The following TMEM181 variants were observed in gnomAD, a reference collection of about 807,000 sequenced individuals.
TMEM181 encodes transmembrane protein 181.
In TMEM181, 39 loss-of-function variants were observed where a neutral mutation model predicts 71.9. That is an observed-to-expected ratio of 0.54 (90% CI 0.42 to 0.71). The LOEUF (loss-of-function observed/expected upper bound fraction) is 0.71, where lower values mean the gene tolerates loss of function less well. TMEM181 is among the 30% of genes least tolerant of loss of function. TMEM181 has a pLI of 0.00. For synonymous variants in TMEM181, 245 were observed against 228.8 expected (o/e 1.07, Z -0.64); for missense variants, 595 against 583.0 (o/e 1.02, Z -0.21).
intron 3 of TMEM181, among the ~76,000 whole-genome samples, chr6:158,581,522 G>A (rs1452724999): frequency 6.6e-6 from 1 of 152,084 alleles, no homozygotes; most frequent in African/African-American, 2.4e-5. Flanking sequence ...GGGAAGCTGA[G>A]GTGAGCTGAT....
Position 158,610,614 on chromosome 6 carries a change from T to A in TMEM181, c.896+1864T>A, listed in dbSNP as rs74867791. On this transcript the variant is annotated intron_variant, in intron 10 of 16. Coordinates refer to ENST00000684151, the MANE Select transcript of TMEM181 (RefSeq NM_001376852.1). Reference sequence around the variant, plus strand: ...AATGTTCTTCTTTGCTTCACCTCTTTTCCTCCCGAGCTTCTGGAGAAGTGA... The same window carrying A: ...AATGTTCTTCTTTGCTTCACCTCTTATCCTCCCGAGCTTCTGGAGAAGTGA... The A allele has an allele frequency of 1.7e-4, 48 of 284,640 alleles. No individual in the cohort carries two copies. The South Asian group carries it at 4.2e-3, about 25-fold the overall frequency. The allele number at this position is 284,640 out of a possible 1,614,324, so 17.6% of individuals were successfully genotyped here. A position where few individuals can be genotyped will look rare whatever the true frequency, so the allele number is the denominator to read the frequency against.
intron 13 of TMEM181, chr6:158,626,804 CA>C (rs761355720): frequency 3.5e-5 from 16 of 454,294 alleles, no homozygotes; most frequent in Non-Finnish European, 7.1e-5. Flanking sequence ...CCTTCACTCA[CA>C]ACTGACCCAC....
upstream of TMEM181, among the ~76,000 whole-genome samples, chr6:158,559,022 G>A (rs981951954): frequency 3.3e-5 from 5 of 152,100 alleles, no homozygotes; most frequent in Admixed American, 2.6e-4. Flanking sequence ...GAAGAGTTGC[G>A]GTTTAGGATT....
At chr6:158,546,784 AC>A (rs1468609278) in intron 1 of TMEM181, among the ~76,000 whole-genome samples, 1 of 149,670 alleles carries the variant, frequency 6.7e-6, no homozygotes, top group Non-Finnish European at 1.5e-5. Flanking sequence ...ATGGTGTGAA[AC>A]CCCATCTCTA....
rs1786692817 is a variant in TMEM181, at chr6:158,631,949, T to C, written c.*61T>C. ...GATGCTTTCCCCGGTGACCGTCTGCTGACCTTCCCCTGTTATATTCAGATT... is the reference window on the plus strand; with the variant it reads ...GATGCTTTCCCCGGTGACCGTCTGCCGACCTTCCCCTGTTATATTCAGATT... On this transcript the variant is annotated 3_prime_UTR_variant, in exon 17 of 17. Coordinates refer to ENST00000684151, the MANE Select transcript of TMEM181 (RefSeq NM_001376852.1). The C allele has an allele frequency of 7.8e-6, 11 of 1,407,738 alleles. No homozygotes were observed. Among genetic ancestry groups the C allele is most frequent in the Non-Finnish European group, 4.9e-6 (5 of 1,016,708 alleles). 87.2% of individuals were successfully genotyped at this position (1,407,738 alleles called of 1,614,324 possible).
rs552418507 is a variant in TMEM181 at position 158,617,727 on chromosome 6, C to T, written c.897-5823C>T. ...AACATCTTTATTTCTGCCTTCATTT[C>T]GTCATTTACCCAGTAGTCATTCAGG... On this transcript the variant is annotated intron_variant, in intron 10 of 16. Transcript: ENST00000684151. Among the ~76,000 whole-genome samples the T allele has an allele frequency of 1.8e-3, 267 of 152,162 alleles. 1 individual carries two copies. The highest frequency in any genetic ancestry group is 3.0e-3 in the Non-Finnish European group (202 of 67,920).
intron 2 of TMEM181, 36 bp downstream of exon 2, chr6:158,573,559 A>G: frequency 6.5e-7 from 1 of 1,539,128 alleles, no homozygotes; most frequent in Non-Finnish European, 8.8e-7. Flanking sequence ...ATCTTTTGCC[A>G]TGCGCGGTGG....
chr6:158,608,247 T>A, intron 8 of TMEM181, 86 bp from the exon 9 acceptor site: 1 of 1,541,720 alleles, frequency 6.5e-7, no homozygotes, highest in Non-Finnish European at 8.8e-7. Context: ...CTCTGCTAGG[T>A]GCTGACCCCG....
chr6:158,613,762 T>C (rs571442115), intron 10 of TMEM181, among the ~76,000 whole-genome samples: 1 of 152,238 alleles, frequency 6.6e-6, no homozygotes, highest in Non-Finnish European at 1.5e-5. Context: ...CACACAACTA[T>C]ATTGTTGTGG....
At chr6:158,626,268 C>G (rs948685510) in intron 13 of TMEM181, among the ~76,000 whole-genome samples, 24 of 152,140 alleles carry the variant, frequency 1.6e-4, no homozygotes, top group Non-Finnish European at 5.9e-5. Flanking sequence ...CCCAGACCTC[C>G]CTGGGGACCG....
intron 6 of TMEM181, among the ~76,000 whole-genome samples, chr6:158,593,100 T>C (rs566126809): frequency 2.3e-4 from 35 of 152,306 alleles, no homozygotes; most frequent in South Asian, 1.9e-3. Flanking sequence ...AATTCTAATT[T>C]TAGAAATTTA....
intron 1 of TMEM181, among the ~76,000 whole-genome samples, chr6:158,570,326 G>A (rs552531075): frequency 1.3e-5 from 2 of 150,846 alleles, no homozygotes; most frequent in East Asian, 2.0e-4. Flanking sequence ...TCTGCCTCCC[G>A]GGTTCACACC....
intron 1 of TMEM181, chr6:158,572,425 A>T (rs1355965575): frequency 2.2e-6 from 1 of 456,732 alleles, no homozygotes; most frequent in Non-Finnish European, 4.4e-6. Context: ...ACAACAGAGA[A>T]CACAGAAGAG....
chr6:158,614,330 A>G (rs896022244), intron 10 of TMEM181, among the ~76,000 whole-genome samples: 1 of 152,248 alleles, frequency 6.6e-6, no homozygotes, highest in Non-Finnish European at 1.5e-5. Flanking sequence ...CGCCAAAATG[A>G]TGAGTTAAAC....
At position 158,614,810 on chromosome 6, in the gene TMEM181, C is replaced by T. The variant is rs982448082; in HGVS notation, c.896+6060C>T. ...GCTTCATCCATGTCCCTGCAAAGGA[C>T]ATGAACTCATCCTTTTTTATGGCTG... On this transcript the variant is annotated intron_variant, in intron 10 of 16. Coordinates refer to ENST00000684151, the MANE Select transcript of TMEM181 (RefSeq NM_001376852.1). Among the ~76,000 whole-genome samples, 12 of 152,218 alleles carry T rather than the reference C, an allele frequency of 7.9e-5. No individual in the cohort carries two copies. The East Asian group carries it at 1.9e-3, about 24-fold the overall frequency.
chr6:158,603,351 C>T (rs528775272), intron 6 of TMEM181, among the ~76,000 whole-genome samples: 1 of 152,142 alleles, frequency 6.6e-6, no homozygotes, highest in Non-Finnish European at 1.5e-5. Context: ...GAGCGTGCAG[C>T]CTAGATCCCT....
intron 8 of TMEM181, 73 bp downstream of exon 8, chr6:158,607,416 G>A: frequency 2.1e-6 from 3 of 1,404,316 alleles, no homozygotes; most frequent in Non-Finnish European, 3.0e-6. Flanking sequence ...GCAGGGTTGT[G>A]CCTGTCATCC....
chr6:158,562,110 G>T lies in TMEM181; in HGVS notation c.8+1878G>T, dbSNP rs1782213149. On this transcript the variant is annotated intron_variant, in intron 1 of 16. Transcript: ENST00000684151. ...ACCACTCTGCTTACGGTGTGTAGGG[G>T]ACCGTCCCCCTGCAGACCCTGGCCT... Among the ~76,000 whole-genome samples, 3 of 151,876 alleles carry T rather than the reference G, an allele frequency of 2.0e-5. No homozygotes were observed. The South Asian group carries it at 6.2e-4, about 32-fold the overall frequency.
chr6:158,553,254 A>G (rs1781772841), intron 1 of TMEM181, among the ~76,000 whole-genome samples: 1 of 152,164 alleles, frequency 6.6e-6, no homozygotes, highest in South Asian at 2.1e-4. Context: ...AATTTAACAT[A>G]CCATAAAACT....
Sources: allele counts gnomAD v4.1 joint callset (sites outside exome capture counted in the v4.1 genomes callset), GRCh38; gene constraint gnomAD v4.1.1; transcripts MANE v1.5; gene names NCBI Gene and HGNC (gene_info 2026-07-23, HGNC 2026-07-21).